The following TNFAIP8 variants were observed in gnomAD, a reference collection of about 807,000 sequenced individuals.
The protein encoded by TNFAIP8 is TNF alpha induced protein 8.
A neutral mutation model predicts 13.3 loss-of-function variants in TNFAIP8; 7 were observed. The observed-to-expected ratio is 0.52, with a 90% CI of 0.30 to 0.99. The LOEUF (loss-of-function observed/expected upper bound fraction) is 0.99, where lower values mean the gene tolerates loss of function less well. Among genes scored for constraint, TNFAIP8 ranks in the 50% least tolerant of loss-of-function variants. TNFAIP8 has a pLI of 0.07. For synonymous variants in TNFAIP8, 94 were observed against 87.6 expected, an observed-to-expected ratio of 1.07 and a Z score of -0.41; for missense variants, 258 against 236.9, an observed-to-expected ratio of 1.09 and a Z score of -0.58.
In TNFAIP8 at chr5:119,278,397, G is replaced by A. The variant is rs997393156; in HGVS notation, c.1+9490G>A. 6.2e-3 allele frequency among the ~76,000 whole-genome samples: 929 copies of A among 150,098 alleles called. 15 individuals carry two copies. The highest frequency in any genetic ancestry group is 0.023 in the African/African-American group (905 of 39,818). On this transcript the variant is annotated intron_variant, in intron 1 of 1. Transcript: ENST00000274456. ...AGAGAGTGTGTGTGTGTGTGTGTGT[G>A]TGTGTGTGTGTGTGTGTGTGTGTGA...
At chr5:119,278,366 AGAGAGAGAGAGTGT>A (rs1561979533) in intron 1 of TNFAIP8, among the ~76,000 whole-genome samples, 3 of 134,350 alleles carry the variant, frequency 2.2e-5, no homozygotes, top group African/African-American at 9.2e-5. Context: ...AGAGAGAGAG[AGAGAGAGAGAGTGT>A]GTGTGTGTGT....
chr5:119,281,429 T>C (rs1181176444), intron 1 of TNFAIP8, among the ~76,000 whole-genome samples: 1 of 152,240 alleles, frequency 6.6e-6, no homozygotes, highest in Non-Finnish European at 1.5e-5. Context: ...TAACCTCTTA[T>C]ATATTACATT....
At chr5:119,362,556 G>A (rs1247578507) in intron 1 of TNFAIP8, among the ~76,000 whole-genome samples, 2 of 152,142 alleles carry the variant, frequency 1.3e-5, no homozygotes, top group Non-Finnish European at 2.9e-5. Flanking sequence ...AGCACTTTGA[G>A]AGGTTGAAGG....
intron 1 of TNFAIP8, among the ~76,000 whole-genome samples, chr5:119,295,836 G>C (rs1251541166): frequency 6.6e-6 from 1 of 151,906 alleles, no homozygotes; most frequent in Non-Finnish European, 1.5e-5. Context: ...TCCTTGAAGA[G>C]GTCCTTCACG....
At chr5:119,382,111 C>T (rs1223734308) in intron 1 of TNFAIP8, among the ~76,000 whole-genome samples, 1 of 152,132 alleles carries the variant, frequency 6.6e-6, no homozygotes, top group Admixed American at 6.5e-5. Flanking sequence ...AGTAGGAATT[C>T]CACAGATCTG....
chr5:119,346,641 A>C (rs1457055951), intron 1 of TNFAIP8, among the ~76,000 whole-genome samples: 1 of 152,230 alleles, frequency 6.6e-6, no homozygotes, highest in Non-Finnish European at 1.5e-5. Context: ...GCAACCACCA[A>C]CAACCTAGCT....
chr5:119,390,611 C>A (rs921710531), intron 1 of TNFAIP8, among the ~76,000 whole-genome samples: 12 of 152,238 alleles, frequency 7.9e-5, no homozygotes, highest in African/African-American at 2.9e-4. Flanking sequence ...AGTTTCAGTT[C>A]ATGTTTCAGA....
At chr5:119,305,675 A>T (rs1028684464) in intron 1 of TNFAIP8, among the ~76,000 whole-genome samples, 6 of 152,198 alleles carry the variant, frequency 3.9e-5, no homozygotes, top group Admixed American at 2.0e-4. Flanking sequence ...TACTTTTTGC[A>T]CTTTATAAAG....
At position 119,398,690 on chromosome 5, in the gene TNFAIP8, AAAAG is replaced by A. The variant is rs1753127899; in HGVS notation, c.*5313_*5316del. 2 of 152,160 alleles carry A rather than the reference AAAAG, an allele frequency of 1.3e-5. No individual in the cohort carries two copies. Among genetic ancestry groups the A allele is most frequent in the African/African-American group, 2.4e-5 (1 of 41,440 alleles). 9.4% of individuals were successfully genotyped at this position (152,160 alleles called of 1,614,324 possible). On this transcript the variant is annotated 3_prime_UTR_variant, in exon 2 of 2. Coordinates refer to ENST00000504771, the MANE Select transcript of TNFAIP8 (RefSeq NM_014350.4). ...AGTGAGACTTTGTCTCAAAAAAAAA[AAAAG>A]AAACTCTGTCTCGAAGTAAATAAAT...
chr5:119,324,274 C>CAAAAAAAAAAAAAA (rs56104829), intron 1 of TNFAIP8, among the ~76,000 whole-genome samples: 6 of 77,682 alleles, frequency 7.7e-5, no homozygotes, highest in East Asian at 3.5e-4. Flanking sequence ...GACGCCATCT[C>CAAAAAAAAAAAAAA]AAAAAAAAAA....
chr5:119,298,403 A>T (rs1383396750), intron 1 of TNFAIP8, among the ~76,000 whole-genome samples: 2 of 151,010 alleles, frequency 1.3e-5, no homozygotes, highest in East Asian at 2.0e-4. Flanking sequence ...TGGGTTGAAA[A>T]TTCTTTTCTT....
intron 1 of TNFAIP8, among the ~76,000 whole-genome samples, chr5:119,363,150 G>T (rs1403391654): frequency 6.6e-6 from 1 of 152,230 alleles, no homozygotes; most frequent in Non-Finnish European, 1.5e-5. Flanking sequence ...AGAGCATGGG[G>T]CCTTGGAAGC....
At chr5:119,321,846 C>G (rs73235260) in intron 1 of TNFAIP8, among the ~76,000 whole-genome samples, 7,890 of 152,182 alleles carry the variant, frequency 0.052, 540 homozygotes, top group African/African-American at 0.16. Context: ...TCCATTCCAA[C>G]GGACAAACTC....
At chr5:119,383,295 A>G (rs1256632201) in intron 1 of TNFAIP8, among the ~76,000 whole-genome samples, 5 of 152,250 alleles carry the variant, frequency 3.3e-5, no homozygotes, top group Non-Finnish European at 5.9e-5. Context: ...ATTCTGGGTC[A>G]GTCACAGATC....
Position 119,395,724 on chromosome 5 carries a change from T to C in TNFAIP8, c.*2343T>C, listed in dbSNP as rs1243689982. The C allele has an allele frequency of 6.6e-6, 1 of 152,196 alleles. No homozygotes were observed. Among genetic ancestry groups the C allele is most frequent in the East Asian group, 1.9e-4 (1 of 5,202 alleles). The allele number at this position is 152,196 out of a possible 1,614,324, so 9.4% of individuals were successfully genotyped here. A position where few individuals can be genotyped will look rare whatever the true frequency, so the allele number is the denominator to read the frequency against. ...AGGTCCAAAGTCGTGATTAGCAAGT[T>C]CATTTCTAATACAATAGGACTCCCC... On this transcript the variant is annotated 3_prime_UTR_variant, in exon 2 of 2. Coordinates refer to ENST00000504771, the MANE Select transcript of TNFAIP8 (RefSeq NM_014350.4).
chr5:119,285,094 G>T (rs961608972), intron 1 of TNFAIP8, among the ~76,000 whole-genome samples: 23 of 152,036 alleles, frequency 1.5e-4, no homozygotes, highest in Non-Finnish European at 4.4e-5. Context: ...TTTTGAAATA[G>T]TTAAGCAAAG....
rs578149179 is a variant in TNFAIP8, at chr5:119,388,516, CAG to C, written c.32-4297_32-4296del. On this transcript the variant is annotated intron_variant, in intron 1 of 1. Transcript: ENST00000504771. ...ACATGATACACAGAATCTTTGCTCT[CAG>C]AGTTTAAATCCTAGTAGGGAGAGGC... Among the ~76,000 whole-genome samples, 25 of 152,340 alleles carry C rather than the reference CAG, an allele frequency of 1.6e-4. No individual in the cohort carries two copies. The East Asian group carries it at 4.2e-3, about 26-fold the overall frequency.
chr5:119,352,705 T>A (rs1423759522), upstream of TNFAIP8, among the ~76,000 whole-genome samples: 1 of 151,994 alleles, frequency 6.6e-6, no homozygotes, highest in African/African-American at 2.4e-5. Flanking sequence ...GTCAGGCCTT[T>A]AAAAAAAACT....
At chr5:119,302,713 A>G (rs1749434416) in intron 1 of TNFAIP8, among the ~76,000 whole-genome samples, 1 of 152,190 alleles carries the variant, frequency 6.6e-6, no homozygotes, top group Admixed American at 6.5e-5. Context: ...TCCATTCATA[A>G]TTAACACTTA....
Sources: allele counts gnomAD v4.1 joint callset (sites outside exome capture counted in the v4.1 genomes callset), GRCh38; gene constraint gnomAD v4.1.1; transcripts MANE v1.5; gene names NCBI Gene and HGNC (gene_info 2026-07-23, HGNC 2026-07-21).